The following SPNS3 variants were observed in gnomAD, a reference collection of about 807,000 sequenced individuals.
SPNS3 encodes the protein SPNS lysolipid transporter 3, sphingosine-1-phosphate (putative).
Under a neutral mutation model 54.4 loss-of-function variants are expected in SPNS3, and 51 were observed. The observed-to-expected ratio is 0.94, with a 90% CI of 0.75 to 1.18. The LOEUF (loss-of-function observed/expected upper bound fraction) is 1.18. SPNS3 is among the 50% of genes most tolerant of loss of function. The pLI, the probability that SPNS3 is intolerant of heterozygous loss-of-function variation, is 0.00. For missense variants in SPNS3, 669 were observed against 677.4 expected (o/e 0.99, Z 0.14); for synonymous variants, 309 against 294.7 (o/e 1.05, Z -0.50).
rs1417646909 is a variant in SPNS3, at chr17:4,448,294, TG to T, written c.765del (p.Asn257ThrfsTer11). 1 of 1,563,782 alleles carries T rather than the reference TG, an allele frequency of 6.4e-7. No homozygotes were observed. The highest frequency in any genetic ancestry group is 8.6e-7 in the Non-Finnish European group (1 of 1,156,128). On this transcript the variant is annotated frameshift_variant, in exon 6 of 12. Coordinates refer to ENST00000355530, the MANE Select transcript of SPNS3 (RefSeq NM_182538.5). LOFTEE classifies it high-confidence loss of function. ...AGCTGGTGTGAGGACGTCAGATACC[TG>T]GGGAAAAAGTGAGTATCCCTGCTAC... ...RSSWCEDVRYLGKNWSFVWST... is the reference protein window; with the variant it reads ...RSSWCEDVRYXGKNWSFVWST...
intron 8 of SPNS3, among the ~76,000 whole-genome samples, chr17:4,459,492 A>G (rs1464211697): frequency 6.6e-6 from 1 of 152,116 alleles, no homozygotes; most frequent in Non-Finnish European, 1.5e-5. Flanking sequence ...CAGGCGGATC[A>G]CCTGAGGTCA....
At chr17:4,441,340 T>C (rs1970841407) in intron 2 of SPNS3, among the ~76,000 whole-genome samples, 1 of 151,912 alleles carries the variant, frequency 6.6e-6, no homozygotes, top group Non-Finnish European at 1.5e-5. Context: ...TTGGGCAATA[T>C]AGTGAGACCC....
chr17:4,454,645 C>T (rs28473709), intron 8 of SPNS3, among the ~76,000 whole-genome samples: 9,590 of 111,118 alleles, frequency 0.086, 364 homozygotes, highest in Middle Eastern at 0.27. Context: ...GAGACAGAGT[C>T]TTGCTCTGTC....
intron 9 of SPNS3, chr17:4,482,134 C>A (rs567797730): frequency 6.6e-6 from 1 of 152,350 alleles, no homozygotes; most frequent in African/African-American, 2.4e-5. Flanking sequence ...GATCCGCCCC[C>A]CTTGGCCTCC....
At chr17:4,474,703 T>A (rs542015593) in intron 8 of SPNS3, among the ~76,000 whole-genome samples, 1 of 152,118 alleles carries the variant, frequency 6.6e-6, no homozygotes, top group South Asian at 2.1e-4. Flanking sequence ...CACAAGCATG[T>A]TTGTGTATGT....
chr17:4,466,539 C>CA lies in SPNS3; in HGVS notation c.1114-12014dup, dbSNP rs71144202. Among the ~76,000 whole-genome samples the CA allele has an allele frequency of 9.3e-3, 975 of 104,896 alleles. 11 individuals carry two copies. Among genetic ancestry groups the CA allele is most frequent in the African/African-American group, 0.015 (421 of 27,662 alleles). 68.8% of individuals were successfully genotyped at this position (104,896 alleles called of 152,430 possible). On this transcript the variant is annotated intron_variant, in intron 8 of 11. Transcript: ENST00000355530. ...TGGGTGACAGAACGAGACTCTGTCT[C>CA]AAAAAAAAAAAAAAAAAAATGGCCA...
Position 4,434,865 on chromosome 17 carries a change from C to T in SPNS3, c.199+699C>T, listed in dbSNP as rs1340830044. 2.7e-5 allele frequency among the ~76,000 whole-genome samples: 4 copies of T among 148,838 alleles called. No individual in the cohort carries two copies. The East Asian group carries it at 6.0e-4, about 22-fold the overall frequency. ...TGTTGCCCAGGCTGGAGTGCAGTGG[C>T]GCGATCTCGGCTCACTGCAACTTCT... On this transcript the variant is annotated intron_variant, in intron 1 of 11. Transcript: ENST00000355530.
At chr17:4,438,380 C>T (rs1261128509) in intron 1 of SPNS3, among the ~76,000 whole-genome samples, 1 of 152,190 alleles carries the variant, frequency 6.6e-6, no homozygotes, top group South Asian at 2.1e-4. Context: ...ATGACAACTG[C>T]GAGTGTACAG....
intron 4 of SPNS3, chr17:4,446,521 C>G (rs1370155224): frequency 4.0e-6 from 2 of 494,938 alleles, no homozygotes; most frequent in African/African-American, 1.9e-5. Context: ...GTGTTAGGGC[C>G]AGGCCCTGCA....
intron 8 of SPNS3, 138 bp from the exon 9 acceptor site, chr17:4,478,434 T>C (rs1002869869): frequency 2.7e-6 from 2 of 740,618 alleles, no homozygotes; most frequent in Non-Finnish European, 2.2e-6. Context: ...TTCTAGGCCT[T>C]CCTCGCTCAC....
At chr17:4,487,339 G>A (rs915093941) in intron 11 of SPNS3, among the ~76,000 whole-genome samples, 1 of 152,188 alleles carries the variant, frequency 6.6e-6, no homozygotes, top group Non-Finnish European at 1.5e-5. Context: ...GCCCTGCCAT[G>A]GGAATGCACC....
At chr17:4,461,152 A>G (rs1365314989) in intron 8 of SPNS3, among the ~76,000 whole-genome samples, 2 of 152,036 alleles carry the variant, frequency 1.3e-5, no homozygotes, top group South Asian at 2.1e-4. Flanking sequence ...TTTATATTAT[A>G]TAACAGTTCC....
chr17:4,452,736 G>A (rs1971198377), intron 7 of SPNS3, among the ~76,000 whole-genome samples: 1 of 152,014 alleles, frequency 6.6e-6, no homozygotes, highest in African/African-American at 2.4e-5. Flanking sequence ...GACCTGGGGT[G>A]CAGGGTGATC....
chr17:4,444,391 A>AT (rs568469565), intron 2 of SPNS3, among the ~76,000 whole-genome samples: 59 of 143,260 alleles, frequency 4.1e-4, no homozygotes, highest in East Asian at 1.0e-3. Context: ...ATTTTTTTGT[A>AT]TTTTTTTTTT....
intron 2 of SPNS3, among the ~76,000 whole-genome samples, chr17:4,443,801 A>G (rs890807298): frequency 8.5e-5 from 13 of 152,228 alleles, no homozygotes; most frequent in South Asian, 6.2e-4. Context: ...CAACAGCCCA[A>G]TAGAAAAATG....
intron 8 of SPNS3, among the ~76,000 whole-genome samples, chr17:4,455,836 T>C (rs1256132559): frequency 6.6e-6 from 1 of 152,138 alleles, no homozygotes; most frequent in Non-Finnish European, 1.5e-5. Flanking sequence ...CAGGCTGTCC[T>C]GGTATAGGAG....
chr17:4,486,062 T>C lies in SPNS3; in HGVS notation c.1180-166T>C, dbSNP rs1366934175. The C allele has an allele frequency of 3.6e-6, 2 of 555,352 alleles. No individual in the cohort carries two copies. The highest frequency in any genetic ancestry group is 6.0e-6 in the Non-Finnish European group (2 of 330,632). 34.4% of individuals were successfully genotyped at this position (555,352 alleles called of 1,614,324 possible). Reference sequence around the variant, plus strand: ...GGAAGCTTCAGATGGGCTTGATGTCTTGATGTTCTGGGGTGGGACTTTAGA... The same window carrying C: ...GGAAGCTTCAGATGGGCTTGATGTCCTGATGTTCTGGGGTGGGACTTTAGA... On this transcript the variant is annotated intron_variant, in intron 9 of 11. Coordinates refer to ENST00000355530, the MANE Select transcript of SPNS3 (RefSeq NM_182538.5). This position sits in a 1 kb window ranked among gnomAD's most constrained non-coding sequence, Gnocchi z 5.5.
chr17:4,471,610 C>G (rs1971855751), intron 8 of SPNS3, among the ~76,000 whole-genome samples: 1 of 152,000 alleles, frequency 6.6e-6, no homozygotes, highest in Non-Finnish European at 1.5e-5. Context: ...AGACCACAGG[C>G]ATGCACCACC....
At chr17:4,459,959 T>G (rs963749021) in intron 8 of SPNS3, among the ~76,000 whole-genome samples, 1 of 152,034 alleles carries the variant, frequency 6.6e-6, no homozygotes, top group Non-Finnish European at 1.5e-5. Flanking sequence ...TAGCAATTTT[T>G]TGTAGGGTGG....
Sources: gnomAD v4.1 joint callset for allele counts (sites outside exome capture counted in the v4.1 genomes callset) on GRCh38, gnomAD v4.1.1 for gene constraint, Gnocchi (gnomAD v3.1) non-coding constraint, MANE v1.5 for transcripts, NCBI Gene and HGNC (gene_info 2026-07-23, HGNC 2026-07-21) for gene names.